The following CAMK2D variants were observed in gnomAD, a reference collection of about 807,000 sequenced individuals.
CAMK2D encodes calcium/calmodulin-dependent protein kinase type II subunit delta.
A neutral mutation model predicts 84.0 loss-of-function variants in CAMK2D; 37 were observed. That is an observed-to-expected ratio of 0.44 (90% CI 0.34 to 0.58). The LOEUF (loss-of-function observed/expected upper bound fraction) is 0.58, where lower values mean the gene tolerates loss of function less well. Among genes scored for constraint, CAMK2D ranks in the 20% least tolerant of loss-of-function variants. CAMK2D has a pLI of 0.02. For synonymous variants in CAMK2D, 202 were observed against 212.5 expected, an observed-to-expected ratio of 0.95 and a Z score of 0.43; for missense variants, 448 against 652.5, an observed-to-expected ratio of 0.69 and a Z score of 3.41.
At chr4:113,643,047 T>G (rs769206473) in intron 3 of CAMK2D, among the ~76,000 whole-genome samples, 1 of 152,202 alleles carries the variant, frequency 6.6e-6, no homozygotes, top group Non-Finnish European at 1.5e-5. Context: ...CAAATAGATA[T>G]GTAACAAAAG....
intron 16 of CAMK2D, among the ~76,000 whole-genome samples, chr4:113,496,894 C>G (rs2097941694): frequency 6.6e-6 from 1 of 152,118 alleles, no homozygotes. Context: ...ACTAGGGTGT[C>G]AACACATTGC....
chr4:113,595,927 A>G (rs2154255138), intron 4 of CAMK2D, among the ~76,000 whole-genome samples: 1 of 152,296 alleles, frequency 6.6e-6, no homozygotes, highest in South Asian at 2.1e-4. Context: ...AGTTTGCTGC[A>G]TATTGATTGA....
At chr4:113,565,307 A>T (rs1398250515) in intron 4 of CAMK2D, among the ~76,000 whole-genome samples, 3 of 152,086 alleles carry the variant, frequency 2.0e-5, no homozygotes, top group Non-Finnish European at 4.4e-5. Flanking sequence ...GCTGTACAAT[A>T]CCTCTCTATT....
intron 16 of CAMK2D, among the ~76,000 whole-genome samples, chr4:113,492,141 T>C (rs1480261052): frequency 1.3e-5 from 2 of 152,194 alleles, no homozygotes; most frequent in African/African-American, 4.8e-5. Flanking sequence ...CTCTATTTCC[T>C]TCAGTTCTGC....
At chr4:113,532,073 C>T (rs1353816080) in intron 7 of CAMK2D, among the ~76,000 whole-genome samples, 18 of 151,976 alleles carry the variant, frequency 1.2e-4, no homozygotes, top group Admixed American at 9.8e-4. Context: ...TGGAATTTCT[C>T]CAACCACAGA....
intron 3 of CAMK2D, among the ~76,000 whole-genome samples, chr4:113,617,197 G>A (rs1473628614): frequency 1.3e-5 from 2 of 152,146 alleles, no homozygotes; most frequent in African/African-American, 4.8e-5. Flanking sequence ...GCTGGGTGCG[G>A]TGACTTACGC....
At chr4:113,646,261 C>T (rs1208862004) in intron 3 of CAMK2D, among the ~76,000 whole-genome samples, 1 of 152,198 alleles carries the variant, frequency 6.6e-6, no homozygotes, top group Non-Finnish European at 1.5e-5. Context: ...TGTACCCACA[C>T]GTTGTTTAAC....
At chr4:113,623,122 A>G (rs557585952) in intron 3 of CAMK2D, among the ~76,000 whole-genome samples, 1 of 152,268 alleles carries the variant, frequency 6.6e-6, no homozygotes, top group East Asian at 1.9e-4. Context: ...TGATTCTCAA[A>G]GGTTATACCC....
chr4:113,479,028 T>A (rs554616304), intron 16 of CAMK2D, among the ~76,000 whole-genome samples: 2 of 152,198 alleles, frequency 1.3e-5, no homozygotes, highest in East Asian at 3.8e-4. Context: ...CATGCAGTGA[T>A]GTTAATAAAG....
At chr4:113,636,327 T>G (rs991663036) in intron 3 of CAMK2D, among the ~76,000 whole-genome samples, 2 of 151,058 alleles carry the variant, frequency 1.3e-5, no homozygotes, top group Admixed American at 1.3e-4. Context: ...TTTCCATTGC[T>G]GCTACCTCAA....
chr4:113,550,939 A>G (rs907370880), intron 5 of CAMK2D, among the ~76,000 whole-genome samples: 1 of 152,206 alleles, frequency 6.6e-6, no homozygotes, highest in Non-Finnish European at 1.5e-5. Flanking sequence ...AAAATTAGAA[A>G]CTTAGAAGTG....
intron 18 of CAMK2D, 59 bp from the exon 19 acceptor site, chr4:113,457,622 A>T (rs1273254609): frequency 3.0e-6 from 4 of 1,315,394 alleles, no homozygotes; most frequent in Non-Finnish European, 4.3e-6. Flanking sequence ...AACTAAAACC[A>T]GTAATAACTT....
intron 2 of CAMK2D, among the ~76,000 whole-genome samples, chr4:113,690,906 C>T (rs2099385224): frequency 1.3e-5 from 2 of 152,152 alleles, no homozygotes; most frequent in Admixed American, 1.3e-4. Context: ...CTCTTGATAA[C>T]AGTAACAGAT....
At chr4:113,541,961 T>C (rs1202476232) in intron 6 of CAMK2D, among the ~76,000 whole-genome samples, 3 of 152,252 alleles carry the variant, frequency 2.0e-5, no homozygotes, top group East Asian at 3.8e-4. Flanking sequence ...CCTGAATTCA[T>C]GTACTTAGCA....
chr4:113,576,358 T>C (rs2098782331), intron 4 of CAMK2D, among the ~76,000 whole-genome samples: 1 of 151,532 alleles, frequency 6.6e-6, no homozygotes, highest in East Asian at 1.9e-4. Flanking sequence ...AGAATTACTT[T>C]AATGAAAATA....
intron 16 of CAMK2D, among the ~76,000 whole-genome samples, chr4:113,488,681 CT>C (rs1337285413): frequency 6.6e-6 from 1 of 152,090 alleles, no homozygotes; most frequent in Non-Finnish European, 1.5e-5. Flanking sequence ...ATTATTTTTG[CT>C]GTGGATAGTT....
At chr4:113,547,769 C>CT (rs1017131051) in intron 5 of CAMK2D, 53 bp from the exon 6 acceptor site, 2 of 1,167,020 alleles carry the variant, frequency 1.7e-6, no homozygotes, top group Admixed American at 4.2e-5. Context: ...CACTCACTGT[C>CT]TGTATACCCT....
At chr4:113,559,827 T>A (rs1017798335) in intron 4 of CAMK2D, among the ~76,000 whole-genome samples, 2 of 152,206 alleles carry the variant, frequency 1.3e-5, no homozygotes. Flanking sequence ...CTGTAGATAA[T>A]GGGTGAATTT....
intron 17 of CAMK2D, among the ~76,000 whole-genome samples, chr4:113,460,830 C>T (rs1477399279): frequency 2.0e-5 from 3 of 151,842 alleles, no homozygotes; most frequent in Admixed American, 1.3e-4. Context: ...GGAGTATTGG[C>T]GTACAGTACC....
Sources: allele counts gnomAD v4.1 joint callset (sites outside exome capture counted in the v4.1 genomes callset), GRCh38; gene constraint gnomAD v4.1.1; transcripts MANE v1.5; gene names NCBI Gene and HGNC (gene_info 2026-07-23, HGNC 2026-07-21).